Variants in AKAP9 observed in about 807,000 individuals in gnomAD.
AKAP9 encodes the protein A-kinase anchoring protein 9, also known as A-kinase anchor protein 9.
In AKAP9, 311 loss-of-function variants were observed where a neutral mutation model predicts 488.5. That is an observed-to-expected ratio of 0.64 (90% CI 0.58 to 0.70). AKAP9 has a LOEUF of 0.70. Among genes scored for constraint, AKAP9 ranks in the 30% least tolerant of loss-of-function variants. AKAP9 has a pLI of 0.00. For missense variants in AKAP9, 4,215 were observed against 4,374.5 expected (o/e 0.96, Z 1.03); for synonymous variants, 1,462 against 1,483.5 (o/e 0.99, Z 0.33).
chr7:91,967,879 T>G (rs975740271), intron 1 of AKAP9, among the ~76,000 whole-genome samples: 4 of 152,184 alleles, frequency 2.6e-5, no homozygotes, highest in African/African-American at 9.7e-5. Context: ...ATTGTTATTC[T>G]TTAAATGTTT....
intron 15 of AKAP9, among the ~76,000 whole-genome samples, chr7:92,030,676 A>G (rs897911610): frequency 3.2e-4 from 49 of 152,084 alleles, no homozygotes; most frequent in Non-Finnish European, 5.6e-4. Context: ...GAATCCCCAG[A>G]ATCCAAGACA....
At chr7:92,084,517 C>A (rs911707692) in intron 33 of AKAP9, 123 bp from the exon 34 acceptor site, 6 of 657,144 alleles carry the variant, frequency 9.1e-6, no homozygotes, top group Admixed American at 6.0e-5. Context: ...TGAATAATTT[C>A]ATTTATTATG....
intron 48 of AKAP9, among the ~76,000 whole-genome samples, 156 bp from the exon 49 acceptor site, chr7:92,108,338 C>G (rs1818864955): frequency 6.6e-6 from 1 of 152,218 alleles, no homozygotes; most frequent in Non-Finnish European, 1.5e-5. Context: ...AGAGTTGTCT[C>G]TTTCTCATCC....
At position 92,058,390 on chromosome 7, in the gene AKAP9, T is replaced by C. The variant is rs184250952; in HGVS notation, c.5602-2870T>C. On this transcript the variant is annotated intron_variant, in intron 22 of 49. Coordinates refer to ENST00000356239, the MANE Select transcript of AKAP9 (RefSeq NM_005751.5). ...ATATATTAAAGCTTATTTCTAAAAT[T>C]TCACTGCCTACCCCTCCTTATTCAG... is the stretch of plus-strand genomic sequence containing the variant. 115 of 551,158 alleles carry C rather than the reference T, an allele frequency of 2.1e-4. 1 individual carries two copies. The East Asian group carries it at 4.7e-3, about 22-fold the overall frequency. The allele number at this position is 551,158 out of a possible 1,614,324, so 34.1% of individuals were successfully genotyped here. A position where few individuals can be genotyped will look rare whatever the true frequency, so the allele number is the denominator to read the frequency against.
At position 92,027,201 on chromosome 7, in the gene AKAP9, C is replaced by T. The variant is rs546359291; in HGVS notation, c.4149-2694C>T. On this transcript the variant is annotated intron_variant, in intron 14 of 49. Transcript: ENST00000356239. ...GTCTGGGAAGTGAGGAGTGCCTCTG[C>T]CCGGCTGCCGCGTCTGGGAGGTGAG... is the stretch of plus-strand genomic sequence containing the variant. Among the ~76,000 whole-genome samples the T allele has an allele frequency of 1.9e-3, 287 of 148,610 alleles. 7 individuals are homozygous for T. The highest frequency in any genetic ancestry group is 6.9e-3 in the African/African-American group (277 of 40,066).
chr7:92,072,310 G>C (rs1266778172), intron 28 of AKAP9, among the ~76,000 whole-genome samples: 1 of 152,136 alleles, frequency 6.6e-6, no homozygotes, highest in Non-Finnish European at 1.5e-5. Context: ...GTTTTTTATA[G>C]ATAAGGAGAG....
Position 92,062,398 on chromosome 7 carries a change from GGCAGAGCAAC to G in AKAP9, c.5890_5899del (p.Ala1964SerfsTer17). ...CAAGTAACAGGTTGCAAGAATTGGAGGCAGAGCAACAGCAGATCCAAGAAGAAAGAGAATT... is the reference window on the plus strand; with the variant it reads ...CAAGTAACAGGTTGCAAGAATTGGAGAGCAGATCCAAGAAGAAAGAGAATT... On this transcript the variant is annotated frameshift_variant, in exon 24 of 50. Transcript: ENST00000356239. LOFTEE classifies it high-confidence loss of function. 1 of 1,613,882 alleles carries G rather than the reference GGCAGAGCAAC, an allele frequency of 6.2e-7. No homozygotes were observed. Among genetic ancestry groups the G allele is most frequent in the Non-Finnish European group, 8.5e-7 (1 of 1,179,858 alleles).
At chr7:92,109,045 CA>C in intron 49 of AKAP9, 1 of 133,396 alleles carries the variant, frequency 7.5e-6, no homozygotes, top group Non-Finnish European at 1.4e-5. Context: ...GACCCTGTCT[CA>C]AAGAAAAAAA....
At chr7:92,005,095 G>A (rs1056930088) in intron 8 of AKAP9, among the ~76,000 whole-genome samples, 1 of 152,148 alleles carries the variant, frequency 6.6e-6, no homozygotes, top group African/African-American at 2.4e-5. Context: ...TTTGTCTTTG[G>A]TTCTGTTTAT....
intron 43 of AKAP9, among the ~76,000 whole-genome samples, 194 bp downstream of exon 43, chr7:92,098,408 G>T (rs140844494): frequency 7.2e-4 from 110 of 152,164 alleles, no homozygotes; most frequent in African/African-American, 2.5e-3. Flanking sequence ...GGGGGAATTA[G>T]CTTTCATTAT....
At chr7:91,980,454 T>C (rs1230450479) in intron 3 of AKAP9, 121 bp downstream of exon 3, 2 of 440,498 alleles carry the variant, frequency 4.5e-6, no homozygotes, top group African/African-American at 2.1e-5. Context: ...TTTATAAATA[T>C]AATGTTAAGT....
Position 92,040,021 on chromosome 7 carries a change from G to T in AKAP9, c.4693-653G>T, listed in dbSNP as rs141368102. Among the ~76,000 whole-genome samples the T allele has an allele frequency of 9.0e-3, 1,368 of 152,154 alleles. 8 individuals carry two copies. Among genetic ancestry groups the T allele is most frequent in the Middle Eastern group, 0.021 (6 of 292 alleles). ...CAACTCTTTATGGAATGCAAAACTTGTTAGGTGTTCTTCAAGACCTCTTTA... is the reference window on the plus strand; with the variant it reads ...CAACTCTTTATGGAATGCAAAACTTTTTAGGTGTTCTTCAAGACCTCTTTA... On this transcript the variant is annotated intron_variant, in intron 17 of 49. Transcript: ENST00000356239.
At chr7:92,071,632 T>G (rs1009167334) in intron 28 of AKAP9, among the ~76,000 whole-genome samples, 1 of 152,164 alleles carries the variant, frequency 6.6e-6, no homozygotes, top group African/African-American at 2.4e-5. Context: ...CTACTAATAG[T>G]TTTTAAAAAA....
intron 40 of AKAP9, among the ~76,000 whole-genome samples, chr7:92,096,334 G>GTTTTTTTTTTT (rs769758632): frequency 8.1e-6 from 1 of 123,966 alleles, no homozygotes; most frequent in African/African-American, 2.9e-5. Flanking sequence ...AGTTTTTTTT[G>GTTTTTTTTTTT]TTTTTTTTTT....
intron 16 of AKAP9, among the ~76,000 whole-genome samples, chr7:92,034,498 ATTT>A (rs59961119): frequency 0.031 from 2,992 of 95,140 alleles, 87 homozygotes; most frequent in African/African-American, 0.11. Context: ...ATATATATAT[ATTT>A]TTTTTTTTTT....
intron 1 of AKAP9, among the ~76,000 whole-genome samples, chr7:91,971,323 T>C (rs1795045249): frequency 6.6e-6 from 1 of 152,162 alleles, no homozygotes; most frequent in Non-Finnish European, 1.5e-5. Context: ...TTCTTTTTGA[T>C]TTATAAAAAA....
intron 7 of AKAP9, 39 bp downstream of exon 7, chr7:91,995,839 C>G: frequency 6.7e-7 from 1 of 1,492,790 alleles, no homozygotes; most frequent in African/African-American, 1.4e-5. Context: ...CTTGTAGAAG[C>G]TTTAGAGTTT....
At chr7:92,043,204 T>C in intron 20 of AKAP9, 1 of 283,230 alleles carries the variant, frequency 3.5e-6, no homozygotes, top group Non-Finnish European at 5.4e-6. Context: ...TTAAAACTAA[T>C]ATTTACTTCT....
At chr7:92,028,570 G>A (rs1176305132) in intron 14 of AKAP9, among the ~76,000 whole-genome samples, 1 of 152,138 alleles carries the variant, frequency 6.6e-6, no homozygotes, top group African/African-American at 2.4e-5. Flanking sequence ...CATAGAACAT[G>A]AGAAGGCAGT....
Sources: allele counts gnomAD v4.1 joint callset (sites outside exome capture counted in the v4.1 genomes callset), GRCh38; gene constraint gnomAD v4.1.1; transcripts MANE v1.5; gene names NCBI Gene and HGNC (gene_info 2026-07-23, HGNC 2026-07-21).